The following ATP2B2 variants were observed in gnomAD, a reference collection of about 807,000 sequenced individuals.
ATP2B2 encodes ATPase plasma membrane Ca2+ transporting 2.
In ATP2B2, 15 loss-of-function variants were observed where a neutral mutation model predicts 120.0. That is an observed-to-expected ratio of 0.12 (90% CI 0.08 to 0.19). The LOEUF (loss-of-function observed/expected upper bound fraction) is 0.19. ATP2B2 is among the 10% of genes least tolerant of loss of function. The pLI, the probability that ATP2B2 is intolerant of heterozygous loss-of-function variation, is 1.00. For synonymous variants in ATP2B2, 694 were observed against 700.3 expected (o/e 0.99, Z 0.14); for missense variants, 1,045 against 1,719.8 (o/e 0.61, Z 6.94).
At chr3:10,604,115 G>C (rs2068997625) in intron 2 of ATP2B2, among the ~76,000 whole-genome samples, 1 of 152,106 alleles carries the variant, frequency 6.6e-6, no homozygotes. Context: ...GAGTTACCCA[G>C]GTGGGTCAGG....
rs181273423 is a variant in ATP2B2, at chr3:10,683,202, A to G, written c.-460+24713T>C. On this transcript the variant is annotated intron_variant, in intron 1 of 21. Coordinates refer to the ATP2B2 transcript ENST00000646379. ...TTTACTGATGAGGAAACTTGGGCTC[A>G]TAGAAGTCAAATCACAAGGGAGAGT... is the stretch of plus-strand genomic sequence containing the variant. 1.7e-3 allele frequency among the ~76,000 whole-genome samples: 255 copies of G among 151,392 alleles called. 2 individuals carry two copies. Among genetic ancestry groups the G allele is most frequent in the African/African-American group, 5.8e-3 (237 of 41,178 alleles).
intron 14 of ATP2B2, among the ~76,000 whole-genome samples, chr3:10,350,892 G>A (rs1040145103): frequency 2.6e-5 from 4 of 152,210 alleles, no homozygotes; most frequent in African/African-American, 7.2e-5. Flanking sequence ...CGACCTGGGC[G>A]AAGACTTTGG....
intron 3 of ATP2B2, among the ~76,000 whole-genome samples, chr3:10,529,287 C>T (rs943997754): frequency 5.9e-5 from 9 of 152,152 alleles, no homozygotes; most frequent in African/African-American, 9.6e-5. Flanking sequence ...AACGATCTTC[C>T]TGGTACTCCC....
intron 2 of ATP2B2, among the ~76,000 whole-genome samples, chr3:10,605,653 G>T (rs1575548031): frequency 6.8e-6 from 1 of 147,122 alleles, no homozygotes; most frequent in East Asian, 2.0e-4. Flanking sequence ...TATCTTTACA[G>T]TTTTTTTTTT....
rs768994822 is a variant in ATP2B2 at position 10,449,506 on chromosome 3, T to A, written c.38A>T (p.Asn13Ile). 4.3e-6 allele frequency: 7 copies of A among 1,614,196 alleles called. No homozygotes were observed. The highest frequency in any genetic ancestry group is 5.9e-6 in the Non-Finnish European group (7 of 1,180,042). The change falls in exon 2 of 23, where the codon AAC becomes ATC. Residue 13 changes from asparagine (N) to isoleucine (I), a missense_variant. By Grantham distance (149) the Asn-to-Ile change is moderately radical (BLOSUM62 -3). Transcript: ENST00000360273. ...DMTNSDFYSK[N>I]QRNESSHGGE... The stretch of plus-strand genomic sequence containing the variant: ...CCCATGGCTCGACTCATTTCTTTGG[T>A]TTTTGGAGTAAAAGTCGCTGTTGGT...
rs776766476 is a variant in ATP2B2, at chr3:10,328,981, C to T, written c.3565G>A (p.Asp1189Asn). Residue 1189 changes from aspartate to asparagine, a missense_variant, in exon 23 of 23, where the codon GAC becomes AAC. Transcript: ENST00000360273. ...TTGAGCGCGGCATCTTCTTCCAGGTCGGTGTCATCAATGAGGGGGATGTGG... is the reference window on the plus strand; with the variant it reads ...TTGAGCGCGGCATCTTCTTCCAGGTTGGTGTCATCAATGAGGGGGATGTGG... Reference protein sequence around the residue: ...QPHIPLIDDTDLEEDAALKQN... With the variant: ...QPHIPLIDDTNLEEDAALKQN... 6 of 1,613,694 alleles carry T rather than the reference C, an allele frequency of 3.7e-6. No homozygotes were observed. Among genetic ancestry groups the T allele is most frequent in the East Asian group, 2.2e-5 (1 of 44,832 alleles).
chr3:10,594,706 T>A (rs4256105), intron 2 of ATP2B2, among the ~76,000 whole-genome samples: 11,739 of 81,396 alleles, frequency 0.14, 987 homozygotes, highest in East Asian at 0.36. Context: ...CCCTAGAACT[T>A]AAAGTATAAT....
chr3:10,492,235 G>A (rs1313102117), intron 1 of ATP2B2, among the ~76,000 whole-genome samples: 1 of 152,090 alleles, frequency 6.6e-6, no homozygotes, highest in African/African-American at 2.4e-5. Context: ...GGGAGAAGCT[G>A]GGGGCTTTTC....
intron 2 of ATP2B2, among the ~76,000 whole-genome samples, chr3:10,546,447 C>G (rs2067549401): frequency 6.6e-6 from 1 of 152,206 alleles, no homozygotes; most frequent in Non-Finnish European, 1.5e-5. Context: ...GTTACCTACT[C>G]AGAACAAAGA....
At position 10,375,696 on chromosome 3, in the gene ATP2B2, G is replaced by A; in HGVS notation, c.1202-52C>T. The A allele has an allele frequency of 1.9e-6, 3 of 1,553,706 alleles. No homozygotes were observed. The highest frequency in any genetic ancestry group is 2.7e-6 in the Non-Finnish European group (3 of 1,131,266). On this transcript the variant is annotated intron_variant, in intron 10 of 22. Transcript: ENST00000360273. This position sits in a 1 kb window ranked among gnomAD's most constrained non-coding sequence, Gnocchi z 4.2. ...GGGGTTCCAGGAAGTGGAGGCTGGG[G>A]GTGGTGTGGACCAAATCTTTGGCTG...
intron 1 of ATP2B2, among the ~76,000 whole-genome samples, chr3:10,496,305 C>G (rs1037739400): frequency 1.3e-5 from 2 of 152,200 alleles, no homozygotes; most frequent in East Asian, 3.9e-4. Context: ...CTTCCACACC[C>G]CAGCTGCTGG....
intron 2 of ATP2B2, among the ~76,000 whole-genome samples, chr3:10,585,780 C>T (rs965632404): frequency 6.6e-6 from 1 of 152,136 alleles, no homozygotes; most frequent in Admixed American, 6.5e-5. Context: ...CCCTTACCTC[C>T]CTCCCTAATG....
chr3:10,592,795 T>A (rs918017625), intron 2 of ATP2B2, among the ~76,000 whole-genome samples: 1 of 152,162 alleles, frequency 6.6e-6, no homozygotes, highest in African/African-American at 2.4e-5. Flanking sequence ...TCTCCCAACT[T>A]TTTTTGGGAC....
chr3:10,539,134 A>G (rs2067379123), intron 2 of ATP2B2, among the ~76,000 whole-genome samples: 1 of 152,210 alleles, frequency 6.6e-6, no homozygotes, highest in South Asian at 2.1e-4. Context: ...TGCTTCAAAG[A>G]GAATAAAATA....
chr3:10,494,852 G>T (rs1376002188), intron 1 of ATP2B2, among the ~76,000 whole-genome samples: 1 of 152,204 alleles, frequency 6.6e-6, no homozygotes, highest in East Asian at 1.9e-4. Context: ...AATGGCTATG[G>T]TCATTTCCCC....
chr3:10,437,903 G>A (rs2063529190), intron 2 of ATP2B2, among the ~76,000 whole-genome samples: 1 of 152,224 alleles, frequency 6.6e-6, no homozygotes, highest in Non-Finnish European at 1.5e-5. Context: ...GATATGCATA[G>A]TGGGAAGATA....
chr3:10,669,528 A>T (rs964011153), intron 1 of ATP2B2, among the ~76,000 whole-genome samples: 2 of 152,008 alleles, frequency 1.3e-5, no homozygotes, highest in African/African-American at 4.8e-5. Flanking sequence ...TGTCAGAATC[A>T]CCTGGGGAGT....
At chr3:10,489,338 T>C (rs1207120091) in intron 1 of ATP2B2, among the ~76,000 whole-genome samples, 1 of 152,228 alleles carries the variant, frequency 6.6e-6, no homozygotes, top group Non-Finnish European at 1.5e-5. Context: ...TTGTGTTCAG[T>C]GTGGTATCCC....
At chr3:10,451,766 C>T (rs1374229000) in intron 1 of ATP2B2, among the ~76,000 whole-genome samples, 2 of 152,196 alleles carry the variant, frequency 1.3e-5, no homozygotes, top group Non-Finnish European at 2.9e-5. Flanking sequence ...GTTCCTTGGC[C>T]ATGGATGGAA....
Sources: allele counts gnomAD v4.1 joint callset (sites outside exome capture counted in the v4.1 genomes callset), GRCh38; gene constraint gnomAD v4.1.1; non-coding constraint Gnocchi (gnomAD v3.1); transcripts MANE v1.5; gene names NCBI Gene and HGNC (gene_info 2026-07-23, HGNC 2026-07-21).